Variants in CNTN5 observed in about 807,000 individuals in gnomAD.
The protein encoded by CNTN5 is contactin-5.
Under a neutral mutation model 129.1 loss-of-function variants are expected in CNTN5, and 77 were observed. The ratio of observed to expected loss-of-function variants is 0.60; its 90% CI spans 0.50 to 0.72. CNTN5 has a LOEUF of 0.72. Among genes scored for constraint, CNTN5 ranks in the 30% least tolerant of loss-of-function variants. CNTN5 has a pLI of 0.00. For synonymous variants in CNTN5, 509 were observed against 465.6 expected, an observed-to-expected ratio of 1.09 and a Z score of -1.20; for missense variants, 1,478 against 1,328.8, an observed-to-expected ratio of 1.11 and a Z score of -1.75.
chr11:99,368,325 T>G (rs1939588763), intron 2 of CNTN5, among the ~76,000 whole-genome samples: 1 of 152,082 alleles, frequency 6.6e-6, no homozygotes, highest in South Asian at 2.1e-4. Flanking sequence ...TAGTTTTAGA[T>G]GTACACAGTT....
chr11:99,446,819 T>A (rs1944091819), intron 2 of CNTN5, among the ~76,000 whole-genome samples: 1 of 152,214 alleles, frequency 6.6e-6, no homozygotes, highest in Non-Finnish European at 1.5e-5. Context: ...CTAGTCCTCC[T>A]CATAAGGTTG....
intron 3 of CNTN5, among the ~76,000 whole-genome samples, chr11:99,582,231 C>T (rs181143467): frequency 0.041 from 6,196 of 152,108 alleles, 165 homozygotes; most frequent in South Asian, 0.087. Flanking sequence ...GTGGGTAACC[C>T]GACCTTTCTC....
At chr11:99,577,115 C>G (rs530168581) in intron 3 of CNTN5, among the ~76,000 whole-genome samples, 1 of 152,160 alleles carries the variant, frequency 6.6e-6, no homozygotes, top group Non-Finnish European at 1.5e-5. Flanking sequence ...ATAATTCACA[C>G]CAAAAGACTT....
rs771353785 is a variant in CNTN5, at chr11:100,070,483, C to T, written c.1222C>T (p.Arg408Ter). Residue 408 changes from arginine (R) to a stop codon, truncating the protein, a stop_gained, in exon 11 of 25, where the codon CGA becomes TGA. Transcript: ENST00000524871. LOFTEE classifies it high-confidence loss of function. ...TCAGTTAGACAGTGGGAGCCCTCTC[C>T]GATGGGAATGTAAGGCTACTGGAAA... ...DTQLDSGSPLRWECKATGKPR... is the reference protein window; with the variant it reads ...DTQLDSGSPL The T allele has an allele frequency of 4.3e-6, 7 of 1,612,666 alleles. No individual in the cohort carries two copies. The highest frequency in any genetic ancestry group is 1.7e-6 in the Non-Finnish European group (2 of 1,179,330).
chr11:99,985,430 C>T (rs1316487457), intron 8 of CNTN5, among the ~76,000 whole-genome samples: 3 of 152,110 alleles, frequency 2.0e-5, no homozygotes, highest in African/African-American at 7.2e-5. Context: ...AGTCAAGTCA[C>T]CTCTCTATCC....
At chr11:100,108,197 G>A (rs979298933) in intron 13 of CNTN5, among the ~76,000 whole-genome samples, 1 of 151,862 alleles carries the variant, frequency 6.6e-6, no homozygotes, top group Non-Finnish European at 1.5e-5. Flanking sequence ...AATATTAGAG[G>A]AGTTCCAGCA....
At chr11:99,351,601 T>A (rs576376190) in intron 2 of CNTN5, among the ~76,000 whole-genome samples, 12 of 152,316 alleles carry the variant, frequency 7.9e-5, no homozygotes, top group Admixed American at 4.6e-4. Context: ...TATAAACGAT[T>A]AAAAACACAA....
chr11:99,277,952 A>C (rs1863519521), intron 1 of CNTN5, among the ~76,000 whole-genome samples: 1 of 151,682 alleles, frequency 6.6e-6, no homozygotes, highest in African/African-American at 2.4e-5. Context: ...AAAGAGAGGA[A>C]GTTCTGATTA....
chr11:99,558,476 ATTTAT>A, intron 3 of CNTN5: 1 of 179,340 alleles, frequency 5.6e-6, no homozygotes. Context: ...CAGTGCTTTT[ATTTAT>A]TAATCTGACA....
chr11:99,076,972 T>G (rs567315472), intron 1 of CNTN5, among the ~76,000 whole-genome samples: 1 of 152,326 alleles, frequency 6.6e-6, no homozygotes, highest in East Asian at 1.9e-4. Context: ...CATACTGTTT[T>G]TTACACATTA....
At chr11:99,639,563 T>TTTG (rs1951690729) in intron 3 of CNTN5, among the ~76,000 whole-genome samples, 1 of 135,400 alleles carries the variant, frequency 7.4e-6, no homozygotes, top group East Asian at 3.0e-4. Flanking sequence ...CTTTATGTTT[T>TTTG]TTTTTTTTTT....
At chr11:100,101,660 G>C (rs1280874921) in intron 13 of CNTN5, among the ~76,000 whole-genome samples, 1 of 151,968 alleles carries the variant, frequency 6.6e-6, no homozygotes, top group Non-Finnish European at 1.5e-5. Flanking sequence ...TGATTTCCGA[G>C]ATTTTGGTGC....
intron 1 of CNTN5, among the ~76,000 whole-genome samples, chr11:99,303,564 G>T (rs888393302): frequency 6.6e-6 from 1 of 150,398 alleles, no homozygotes; most frequent in Non-Finnish European, 1.5e-5. Flanking sequence ...AGAAAATCTT[G>T]ACCCAAACTA....
chr11:99,209,141 AC>A (rs1859636469), intron 1 of CNTN5, among the ~76,000 whole-genome samples: 1 of 151,756 alleles, frequency 6.6e-6, no homozygotes, highest in Non-Finnish European at 1.5e-5. Flanking sequence ...AAATATCAAA[AC>A]TTTCCATCTA....
intron 6 of CNTN5, among the ~76,000 whole-genome samples, chr11:99,913,284 C>T (rs1421638450): frequency 2.0e-5 from 3 of 151,934 alleles, no homozygotes; most frequent in Non-Finnish European, 4.4e-5. Flanking sequence ...TTACATAAAC[C>T]ATTCTGCCTT....
At chr11:100,001,940 C>A in intron 8 of CNTN5, 94 bp from the exon 9 acceptor site, 1 of 898,768 alleles carries the variant, frequency 1.1e-6, no homozygotes, top group Non-Finnish European at 1.7e-6. Flanking sequence ...ACATTAACAA[C>A]CAAACCACAG....
intron 13 of CNTN5, among the ~76,000 whole-genome samples, chr11:100,115,381 T>C (rs1945811001): frequency 6.6e-6 from 1 of 152,118 alleles, no homozygotes; most frequent in Admixed American, 6.6e-5. Context: ...TGAGTGACTA[T>C]TATGCAAGGG....
chr11:100,045,686 A>T (rs1942629976), intron 9 of CNTN5, among the ~76,000 whole-genome samples: 1 of 151,466 alleles, frequency 6.6e-6, no homozygotes. Flanking sequence ...ACACATACTG[A>T]CTACCTAAAT....
At chr11:99,157,421 A>G (rs1462962667) in intron 1 of CNTN5, among the ~76,000 whole-genome samples, 1 of 152,104 alleles carries the variant, frequency 6.6e-6, no homozygotes, top group East Asian at 1.9e-4. Flanking sequence ...AGCAATTTTT[A>G]TTAGTGTAAA....
Sources: allele counts gnomAD v4.1 joint callset (sites outside exome capture counted in the v4.1 genomes callset), GRCh38; gene constraint gnomAD v4.1.1; transcripts MANE v1.5; gene names NCBI Gene and HGNC (gene_info 2026-07-23, HGNC 2026-07-21).